GABBR2: variants seen among roughly 807,000 people sequenced by gnomAD.
GABBR2 encodes G-protein coupled receptor 51.
GABBR2 carries 23 observed loss-of-function variants against 105.6 expected under a neutral mutation model. The observed-to-expected ratio is 0.22, with a 90% CI of 0.16 to 0.31. The LOEUF is 0.31. Ranked by LOEUF, GABBR2 falls within the 10% of genes least tolerant of loss-of-function variation. The pLI is 1.00. For missense variants in GABBR2, 734 were observed against 1,245.5 expected (o/e 0.59, Z 6.18); for synonymous variants, 478 against 499.7 (o/e 0.96, Z 0.58).
chr9:98,587,449 G>A (rs1167179738), intron 1 of GABBR2, among the ~76,000 whole-genome samples: 1 of 152,098 alleles, frequency 6.6e-6, no homozygotes, highest in Admixed American at 6.6e-5. Flanking sequence ...ATCCTTCCTT[G>A]GTGCCCAGGG....
At chr9:98,528,598 G>C (rs953732307) in intron 3 of GABBR2, among the ~76,000 whole-genome samples, 1 of 150,952 alleles carries the variant, frequency 6.6e-6, no homozygotes, top group Non-Finnish European at 1.5e-5. Flanking sequence ...ACTTTATAAA[G>C]AGCTCTTATA....
At chr9:98,411,611 G>C (rs1344870227) in intron 7 of GABBR2, among the ~76,000 whole-genome samples, 2 of 151,972 alleles carry the variant, frequency 1.3e-5, no homozygotes, top group African/African-American at 4.8e-5. Context: ...GCCCAGGCTA[G>C]AGAGTAGTGG....
At chr9:98,311,269 T>C in intron 13 of GABBR2, 64 bp from the exon 14 acceptor site, 2 of 980,256 alleles carry the variant, frequency 2.0e-6, no homozygotes, top group Non-Finnish European at 3.3e-6. Context: ...ACTGGGTCCT[T>C]ATCTGAGAGC....
chr9:98,608,686 C>CT (rs1224457383), intron 1 of GABBR2, among the ~76,000 whole-genome samples: 1 of 152,144 alleles, frequency 6.6e-6, no homozygotes, highest in Non-Finnish European at 1.5e-5. Context: ...GCACCTAGAG[C>CT]TTTTTTATAA....
intron 7 of GABBR2, among the ~76,000 whole-genome samples, chr9:98,408,453 C>G (rs1832527841): frequency 6.6e-6 from 1 of 152,154 alleles, no homozygotes. Context: ...TCCCTGCTAC[C>G]CTAAGTATTG....
chr9:98,472,673 G>T (rs1181793850), intron 6 of GABBR2, among the ~76,000 whole-genome samples: 1 of 152,194 alleles, frequency 6.6e-6, no homozygotes, highest in East Asian at 1.9e-4. Context: ...GAGAACTCAG[G>T]TTCAAGGTCA....
intron 11 of GABBR2, among the ~76,000 whole-genome samples, chr9:98,376,713 C>T (rs948587931): frequency 5.3e-5 from 8 of 152,196 alleles, no homozygotes; most frequent in African/African-American, 1.2e-4. Context: ...CCGTCTTGCT[C>T]AGGGTCTTCT....
At chr9:98,390,384 A>C (rs1157765711) in intron 9 of GABBR2, among the ~76,000 whole-genome samples, 1 of 143,206 alleles carries the variant, frequency 7.0e-6, no homozygotes, top group African/African-American at 2.9e-5. Context: ...ACAAAAAAAA[A>C]AAAAAAAAAA....
rs1564075691 is a variant in GABBR2 at position 98,454,637 on chromosome 9, A to G, written c.1000-420T>C. ...AACAAACTGTTCAAAAATATTCTCT[A>G]TCTCCTCATCGTAATAAATACACCT... On this transcript the variant is annotated intron_variant, in intron 6 of 18. Transcript: ENST00000259455. This position sits in a 1 kb window ranked among gnomAD's most constrained non-coding sequence, Gnocchi z 4.6. Among the ~76,000 whole-genome samples the G allele has an allele frequency of 6.6e-6, 1 of 152,114 alleles. No homozygotes were observed. Among genetic ancestry groups the G allele is most frequent in the Non-Finnish European group, 1.5e-5 (1 of 68,004 alleles).
intron 11 of GABBR2, among the ~76,000 whole-genome samples, chr9:98,382,698 C>T (rs773185917): frequency 3.3e-5 from 5 of 152,130 alleles, no homozygotes; most frequent in African/African-American, 4.8e-5. Context: ...GAGAGAAATC[C>T]TCACTTTCCT....
At chr9:98,609,526 C>T (rs1159605166) in intron 1 of GABBR2, among the ~76,000 whole-genome samples, 1 of 152,200 alleles carries the variant, frequency 6.6e-6, no homozygotes, top group African/African-American at 2.4e-5. Flanking sequence ...TAACAGAGCA[C>T]CTAACCCCTC....
intron 9 of GABBR2, among the ~76,000 whole-genome samples, chr9:98,390,372 TCACAAAAAA>T: frequency 2.0e-5 from 1 of 48,914 alleles, no homozygotes; most frequent in African/African-American, 2.3e-4. Context: ...AGACTCCATC[TCACAAAAAA>T]AAAAAAAAAA....
intron 3 of GABBR2, among the ~76,000 whole-genome samples, chr9:98,513,343 T>C (rs1827690015): frequency 6.6e-6 from 1 of 152,176 alleles, no homozygotes; most frequent in African/African-American, 2.4e-5. Context: ...GACATAGGCA[T>C]GGGCAAGGAC....
chr9:98,625,831 G>T (rs1434515206), intron 1 of GABBR2, among the ~76,000 whole-genome samples: 1 of 152,208 alleles, frequency 6.6e-6, no homozygotes, highest in Non-Finnish European at 1.5e-5. Flanking sequence ...AGCAGGGACT[G>T]GTTCCTGCCC....
At chr9:98,464,412 A>G (rs1422277448) in intron 6 of GABBR2, among the ~76,000 whole-genome samples, 1 of 136,400 alleles carries the variant, frequency 7.3e-6, no homozygotes, top group African/African-American at 2.8e-5. Context: ...GTCTGGGAGG[A>G]AGTGAGGAGC....
At chr9:98,464,963 C>G (rs896629022) in intron 6 of GABBR2, among the ~76,000 whole-genome samples, 3 of 151,824 alleles carry the variant, frequency 2.0e-5, no homozygotes, top group African/African-American at 7.3e-5. Flanking sequence ...CTCAAGTACC[C>G]GGGGACACAA....
chr9:98,618,482 C>T (rs1829619486), intron 1 of GABBR2, among the ~76,000 whole-genome samples: 1 of 106,462 alleles, frequency 9.4e-6, no homozygotes, highest in Non-Finnish European at 1.9e-5. Flanking sequence ...AAAAGGTCTG[C>T]TGCATCTCTC....
chr9:98,414,769 T>G (rs566382200), intron 7 of GABBR2, among the ~76,000 whole-genome samples: 1 of 152,260 alleles, frequency 6.6e-6, no homozygotes, highest in African/African-American at 2.4e-5. Flanking sequence ...AGGGACATGG[T>G]ACTCCAGGCC....
chr9:98,360,860 C>T lies in GABBR2; in HGVS notation c.1893+1855G>A, dbSNP rs1831570176. On this transcript the variant is annotated intron_variant, in intron 13 of 18. Transcript: ENST00000259455. ...GCCTTGGGAACCTCTCGTAAATACT[C>T]AGCTCCCACCTTCATCTAGAATAGA... 1.3e-5 allele frequency among the ~76,000 whole-genome samples: 2 copies of T among 152,148 alleles called. 1 individual carries two copies. Among genetic ancestry groups the T allele is most frequent in the African/African-American group, 4.8e-5 (2 of 41,432 alleles).
Sources: gnomAD v4.1 joint callset for allele counts (sites outside exome capture counted in the v4.1 genomes callset) on GRCh38, gnomAD v4.1.1 for gene constraint, Gnocchi (gnomAD v3.1) non-coding constraint, MANE v1.5 for transcripts, NCBI Gene and HGNC (gene_info 2026-07-23, HGNC 2026-07-21) for gene names.